The following SCAP variants were observed in gnomAD, a reference collection of about 807,000 sequenced individuals.
SCAP encodes the protein SREBF chaperone.
A neutral mutation model predicts 123.6 loss-of-function variants in SCAP; 65 were observed. The ratio of observed to expected loss-of-function variants is 0.53; its 90% CI spans 0.43 to 0.65. The LOEUF is 0.65. Ranked by LOEUF, SCAP falls within the 30% of genes least tolerant of loss-of-function variation. SCAP has a pLI of 0.00. For missense variants in SCAP, 1,398 were observed against 1,712.5 expected, an observed-to-expected ratio of 0.82 and a Z score of 3.24; for synonymous variants, 740 against 726.3, an observed-to-expected ratio of 1.02 and a Z score of -0.30.
At chr3:47,431,089 C>G (rs1448111377) in intron 3 of SCAP, among the ~76,000 whole-genome samples, 1 of 151,684 alleles carries the variant, frequency 6.6e-6, no homozygotes, top group African/African-American at 2.4e-5. Flanking sequence ...TCTTCTGTAT[C>G]ACGCTCAGCC....
chr3:47,456,656 T>A (rs1455407024), intron 1 of SCAP, among the ~76,000 whole-genome samples: 1 of 151,426 alleles, frequency 6.6e-6, no homozygotes, highest in East Asian at 2.0e-4. Flanking sequence ...TCTCAGCTAC[T>A]CAGGAGGCTG....
intron 2 of SCAP, among the ~76,000 whole-genome samples, chr3:47,435,399 A>G (rs992387583): frequency 1.3e-5 from 2 of 152,020 alleles, no homozygotes; most frequent in African/African-American, 4.8e-5. Flanking sequence ...TTCAGGCTGT[A>G]TAAGCTAAGT....
At chr3:47,423,761 G>C (rs780213689) in intron 9 of SCAP, among the ~76,000 whole-genome samples, 172 bp downstream of exon 9, 4 of 152,176 alleles carry the variant, frequency 2.6e-5, no homozygotes, top group Non-Finnish European at 5.9e-5. Context: ...GGCTCCCCAG[G>C]GCACACACTC....
At chr3:47,454,170 A>G (rs1330363041) in intron 1 of SCAP, among the ~76,000 whole-genome samples, 1 of 151,986 alleles carries the variant, frequency 6.6e-6, no homozygotes, top group Non-Finnish European at 1.5e-5. Flanking sequence ...GATTGAGACC[A>G]TCCTGGCTAA....
At chr3:47,428,785 A>G in intron 3 of SCAP, 115 bp from the exon 4 acceptor site, 1 of 1,125,620 alleles carries the variant, frequency 8.9e-7, no homozygotes, top group Non-Finnish European at 1.3e-6. Flanking sequence ...AGTTAAAGAA[A>G]CCAATGACTA....
chr3:47,418,106 C>G (rs1385325527), intron 16 of SCAP, 28 bp downstream of exon 16: 33 of 1,529,516 alleles, frequency 2.2e-5, no homozygotes, highest in Non-Finnish European at 2.7e-5. Context: ...TGTGGGGGCA[C>G]AAAGGAGGAA....
chr3:47,419,603 C>T lies in SCAP; in HGVS notation c.1665G>A (p.Glu555=). ...AQVTEQSPLG[E]GALAPMPVPS... ...GCACGGGCATGGGAGCCAGGGCTCCCTCACCCAATGGGCTCTGTTCCGTCA... is the reference window on the plus strand; with the variant it reads ...GCACGGGCATGGGAGCCAGGGCTCCTTCACCCAATGGGCTCTGTTCCGTCA... Residue 555 remains glutamate, a synonymous_variant, in exon 13 of 23, where the codon GAG becomes GAA. Coordinates refer to ENST00000265565, the MANE Select transcript of SCAP (RefSeq NM_012235.4). This position sits in a 1 kb window ranked among gnomAD's most constrained non-coding sequence, Gnocchi z 5.0. 6.2e-7 allele frequency: 1 copy of T among 1,605,086 alleles called. No homozygotes were observed. Among genetic ancestry groups the T allele is most frequent in the Non-Finnish European group, 8.5e-7 (1 of 1,174,940 alleles).
intron 1 of SCAP, among the ~76,000 whole-genome samples, chr3:47,471,132 C>A (rs1708011120): frequency 6.6e-6 from 1 of 152,012 alleles, no homozygotes; most frequent in African/African-American, 2.4e-5. Flanking sequence ...ACAAACAAGT[C>A]TTCAAAATGT....
In SCAP at chr3:47,419,774, TGA is replaced by T. The variant is rs1474317119; in HGVS notation, c.1564-72_1564-71del. On this transcript the variant is annotated intron_variant, in intron 12 of 22. Transcript: ENST00000265565. The surrounding 1 kb of genome is among the most constrained non-coding windows in gnomAD (Gnocchi z 5.0). ...CCCCCAGCAGCTTCAGCCCTCATGCTGAGAGGAAGCAGCACAGGGACCTCAGG... is the reference window on the plus strand; with the variant it reads ...CCCCCAGCAGCTTCAGCCCTCATGCTGAGGAAGCAGCACAGGGACCTCAGG... 6.0e-6 allele frequency: 9 copies of T among 1,489,644 alleles called. No individual in the cohort carries two copies. Among genetic ancestry groups the T allele is most frequent in the East Asian group, 4.7e-5 (2 of 42,650 alleles). 92.3% of individuals were successfully genotyped at this position (1,489,644 alleles called of 1,614,324 possible). A position where few individuals can be genotyped will look rare whatever the true frequency, so the allele number is the denominator to read the frequency against.
chr3:47,422,016 G>A (rs1705923850), intron 10 of SCAP, among the ~76,000 whole-genome samples: 1 of 152,284 alleles, frequency 6.6e-6, no homozygotes, highest in African/African-American at 2.4e-5. Flanking sequence ...GCACAGGCCA[G>A]GGCCAAGGGA....
At chr3:47,432,134 T>G (rs576537947) in intron 3 of SCAP, among the ~76,000 whole-genome samples, 2 of 151,994 alleles carry the variant, frequency 1.3e-5, no homozygotes, top group African/African-American at 4.8e-5. Flanking sequence ...CTGGCCAACA[T>G]GGTGAAACCC....
At chr3:47,424,083 G>A in intron 8 of SCAP, 38 bp from the exon 9 acceptor site, 1 of 1,524,798 alleles carries the variant, frequency 6.6e-7, no homozygotes, top group Non-Finnish European at 9.1e-7. Flanking sequence ...ACAGTGTTGT[G>A]GTGGTTCCCA....
At position 47,418,525 on chromosome 3, in the gene SCAP, G is replaced by T; in HGVS notation, c.2130-3C>A. The T allele has an allele frequency of 6.3e-7, 1 of 1,583,826 alleles. No individual in the cohort carries two copies. The highest frequency in any genetic ancestry group is 2.3e-5 in the East Asian group (1 of 43,692). The stretch of plus-strand genomic sequence containing the variant: ...TGGCCAGGCCCAGCGCCGCCACCCT[G>T]CACGGGAGGGCGGACTGCTGTGAGA... On this transcript the variant is annotated splice_polypyrimidine_tract_variant and splice_region_variant and intron_variant, in intron 14 of 22. Coordinates refer to ENST00000265565, the MANE Select transcript of SCAP (RefSeq NM_012235.4).
At position 47,420,496 on chromosome 3, in the gene SCAP, G is replaced by A. The variant is rs1195958747; in HGVS notation, c.1563+58C>T. ...TCTAAGGCCAAGTGCAGCACCACAA[G>A]GGGCCTGGAGCACCGGCCCTCCAGA... On this transcript the variant is annotated intron_variant, in intron 12 of 22. Transcript: ENST00000265565. This position sits in a 1 kb window ranked among gnomAD's most constrained non-coding sequence, Gnocchi z 5.0. 33 of 1,438,666 alleles carry A rather than the reference G, an allele frequency of 2.3e-5. No homozygotes were observed. Among genetic ancestry groups the A allele is most frequent in the Non-Finnish European group, 1.9e-5 (20 of 1,064,978 alleles). The allele number at this position is 1,438,666 out of a possible 1,614,324, so 89.1% of individuals were successfully genotyped here. A position where few individuals can be genotyped will look rare whatever the true frequency, so the allele number is the denominator to read the frequency against.
chr3:47,423,863 A>T, intron 9 of SCAP, 70 bp downstream of exon 9: 1 of 1,112,822 alleles, frequency 9.0e-7, no homozygotes, highest in Non-Finnish European at 1.4e-6. Context: ...ACAGAGCGTT[A>T]ACAGCAAGAG....
intron 1 of SCAP, 108 bp from the exon 2 acceptor site, chr3:47,443,199 C>T: frequency 1.4e-6 from 1 of 726,906 alleles, no homozygotes; most frequent in Admixed American, 3.1e-5. Context: ...TTCAGAATGC[C>T]TATATGCAAG....
intron 2 of SCAP, among the ~76,000 whole-genome samples, chr3:47,437,131 T>C (rs1172552134): frequency 6.6e-6 from 1 of 152,146 alleles, no homozygotes; most frequent in East Asian, 1.9e-4. Flanking sequence ...TGGCTGTTTC[T>C]GGTTTGAGCT....
At chr3:47,476,862 C>A, upstream of SCAP, 1 of 154,282 alleles carries the variant, frequency 6.5e-6, no homozygotes, top group Non-Finnish European at 1.5e-5. Context: ...TTGCTGTACC[C>A]AGGTCTTGTG....
Position 47,420,868 on chromosome 3 carries a change from A to G in SCAP, c.1344+63T>C. 6.3e-7 allele frequency: 1 copy of G among 1,587,172 alleles called. No homozygotes were observed. Among genetic ancestry groups the G allele is most frequent in the Non-Finnish European group, 8.6e-7 (1 of 1,156,576 alleles). Reference sequence around the variant, plus strand: ...CCCGAGGTCTACACCCTTCTCACCCAGGACTCCCTCAGTACAGCCAGGGCT... The same window carrying G: ...CCCGAGGTCTACACCCTTCTCACCCGGGACTCCCTCAGTACAGCCAGGGCT... On this transcript the variant is annotated intron_variant, in intron 11 of 22. Transcript: ENST00000265565. The surrounding 1 kb of genome is among the most constrained non-coding windows in gnomAD (Gnocchi z 5.0).
Sources: gnomAD v4.1 joint callset for allele counts (sites outside exome capture counted in the v4.1 genomes callset) on GRCh38, gnomAD v4.1.1 for gene constraint, Gnocchi (gnomAD v3.1) non-coding constraint, MANE v1.5 for transcripts, NCBI Gene and HGNC (gene_info 2026-07-23, HGNC 2026-07-21) for gene names.